Variants in SUGCT observed in about 807,000 individuals in gnomAD.
SUGCT encodes succinyl-CoA:glutarate-CoA transferase.
Under a neutral mutation model 55.0 loss-of-function variants are expected in SUGCT, and 41 were observed. The ratio of observed to expected loss-of-function variants is 0.74; its 90% CI spans 0.58 to 0.97. SUGCT has a LOEUF of 0.97. Among genes scored for constraint, SUGCT ranks in the 50% least tolerant of loss-of-function variants. The pLI, the probability that SUGCT is intolerant of heterozygous loss-of-function variation, is 0.00. For synonymous variants in SUGCT, 187 were observed against 200.4 expected, an observed-to-expected ratio of 0.93 and a Z score of 0.56; for missense variants, 568 against 547.8, an observed-to-expected ratio of 1.04 and a Z score of -0.37.
chr7:40,954,344 A>T, the SUGCT span, among the ~76,000 whole-genome samples: 1 of 152,182 alleles, frequency 6.6e-6, no homozygotes, highest in Admixed American at 6.5e-5. Context: ...TCCAGGTGCC[A>T]TCTGTCACAG....
intron 13 of SUGCT, among the ~76,000 whole-genome samples, chr7:40,802,323 C>T (rs1318845172): frequency 4.6e-5 from 7 of 151,810 alleles, no homozygotes; most frequent in Admixed American, 6.6e-5. Flanking sequence ...CACACACACA[C>T]GCACACACCA....
At chr7:40,738,196 TAAA>T (rs71714222) in intron 12 of SUGCT, among the ~76,000 whole-genome samples, 8,971 of 110,888 alleles carry the variant, frequency 0.081, 692 homozygotes, top group East Asian at 0.31. Flanking sequence ...GACTCCATCT[TAAA>T]AAAAAAAAAA....
At chr7:40,393,959 G>A (rs141671630) in intron 9 of SUGCT, among the ~76,000 whole-genome samples, 1 of 152,296 alleles carries the variant, frequency 6.6e-6, no homozygotes, top group Non-Finnish European at 1.5e-5. Flanking sequence ...AGCAACAAAA[G>A]CAACCAAAGA....
chr7:40,253,640 G>A (rs1049725393), intron 7 of SUGCT, among the ~76,000 whole-genome samples: 2 of 151,924 alleles, frequency 1.3e-5, no homozygotes, highest in African/African-American at 4.8e-5. Context: ...TGTGCTCACT[G>A]CAACCTCCGC....
At chr7:40,180,715 C>T (rs1785148808) in intron 1 of SUGCT, among the ~76,000 whole-genome samples, 2 of 152,132 alleles carry the variant, frequency 1.3e-5, no homozygotes. Context: ...TCTCGAATTC[C>T]TGATCTCAGG....
chr7:40,675,389 A>C (rs1224574177), intron 12 of SUGCT, among the ~76,000 whole-genome samples: 1 of 152,204 alleles, frequency 6.6e-6, no homozygotes, highest in Non-Finnish European at 1.5e-5. Flanking sequence ...GTGTAATCAC[A>C]TATGTATAAA....
At chr7:40,684,486 T>C (rs1784384473) in intron 12 of SUGCT, among the ~76,000 whole-genome samples, 1 of 152,240 alleles carries the variant, frequency 6.6e-6, no homozygotes, top group South Asian at 2.1e-4. Flanking sequence ...GATAGATTTA[T>C]AATGAAAAAC....
chr7:40,409,763 A>C (rs1786572532), intron 9 of SUGCT, among the ~76,000 whole-genome samples: 1 of 151,406 alleles, frequency 6.6e-6, no homozygotes, highest in South Asian at 2.1e-4. Context: ...GTGCAGTGGC[A>C]TAATCTCAGC....
chr7:40,160,241 T>G (rs1395791400), intron 1 of SUGCT, among the ~76,000 whole-genome samples: 1 of 152,188 alleles, frequency 6.6e-6, no homozygotes, highest in Non-Finnish European at 1.5e-5. Context: ...TTTTTTCTTT[T>G]TTTTTGAGAT....
chr7:40,487,165 A>G (rs1269038493), intron 11 of SUGCT, among the ~76,000 whole-genome samples: 2 of 143,568 alleles, frequency 1.4e-5, no homozygotes, highest in African/African-American at 2.6e-5. Context: ...GCTCACTGCA[A>G]TCTCCACCGC....
chr7:40,515,520 T>C (rs1793187351), intron 12 of SUGCT, among the ~76,000 whole-genome samples: 1 of 152,232 alleles, frequency 6.6e-6, no homozygotes, highest in South Asian at 2.1e-4. Context: ...CTTTCTGTTT[T>C]TATGAATTTG....
chr7:40,677,256 A>G (rs1784039646), intron 12 of SUGCT, among the ~76,000 whole-genome samples: 1 of 152,156 alleles, frequency 6.6e-6, no homozygotes. Context: ...CGTGTTCTCT[A>G]AAGCACCCCT....
chr7:40,533,001 T>C (rs990496512), intron 12 of SUGCT, among the ~76,000 whole-genome samples: 4 of 152,156 alleles, frequency 2.6e-5, no homozygotes, highest in Non-Finnish European at 4.4e-5. Flanking sequence ...AATCCCTTTA[T>C]AAACCCTTCC....
At chr7:40,832,986 A>G (rs1156342313) in intron 13 of SUGCT, among the ~76,000 whole-genome samples, 3 of 150,488 alleles carry the variant, frequency 2.0e-5, no homozygotes, top group Non-Finnish European at 3.0e-5. Context: ...TTCCACTCCT[A>G]CTTCTATTCT....
chr7:40,854,419 C>CTTTCCTTTCTTTCTTTCTTTCTTT (rs200586474), intron 13 of SUGCT, among the ~76,000 whole-genome samples: 2 of 88,804 alleles, frequency 2.3e-5, no homozygotes, highest in Non-Finnish European at 4.4e-5. Flanking sequence ...TTCTTTCTTT[C>CTTTCCTTTCTTTCTTTCTTTCTTT]CTTTCTTTCT....
chr7:40,369,745 C>T (rs2151249452), intron 9 of SUGCT, among the ~76,000 whole-genome samples: 1 of 152,222 alleles, frequency 6.6e-6, no homozygotes, highest in South Asian at 2.1e-4. Flanking sequence ...TGGATGGAAG[C>T]CACAGAGAAT....
chr7:40,272,606 A>G (rs12538240), intron 7 of SUGCT, among the ~76,000 whole-genome samples: 40,010 of 150,440 alleles, frequency 0.27, 6,627 homozygotes, highest in East Asian at 0.46. Context: ...TCTTTCTTGG[A>G]TATCTACCCA....
intron 7 of SUGCT, among the ~76,000 whole-genome samples, chr7:40,255,660 C>CAAAAAAAAA (rs70996898): frequency 5.5e-5 from 3 of 54,192 alleles, no homozygotes; most frequent in Non-Finnish European, 9.0e-5. Context: ...GACTCTGTAT[C>CAAAAAAAAA]AAAAAAAAAA....
intron 12 of SUGCT, among the ~76,000 whole-genome samples, chr7:40,655,568 C>T (rs777976248): frequency 1.3e-5 from 2 of 152,164 alleles, no homozygotes; most frequent in East Asian, 3.9e-4. Context: ...GCGTCAGTTA[C>T]AAAGCTGATG....
Sources: gnomAD v4.1 joint callset for allele counts (sites outside exome capture counted in the v4.1 genomes callset) on GRCh38, gnomAD v4.1.1 for gene constraint, MANE v1.5 for transcripts, NCBI Gene and HGNC (gene_info 2026-07-23, HGNC 2026-07-21) for gene names.